EYS: variants seen among roughly 807,000 people sequenced by gnomAD.
EYS encodes EGF-like photoreceptor maintenance factor.
In EYS, 250 loss-of-function variants were observed where a neutral mutation model predicts 282.1. The ratio of observed to expected loss-of-function variants is 0.89; its 90% CI spans 0.80 to 0.98. EYS has a LOEUF of 0.98. EYS is among the 50% of genes least tolerant of loss of function. The pLI, the probability that EYS is intolerant of heterozygous loss-of-function variation, is 0.00. For missense variants in EYS, 4,016 were observed against 3,709.0 expected (o/e 1.08, Z -2.15); for synonymous variants, 1,355 against 1,282.9 (o/e 1.06, Z -1.20).
At chr6:64,040,860 A>G (rs531414968) in intron 33 of EYS, among the ~76,000 whole-genome samples, 2 of 152,304 alleles carry the variant, frequency 1.3e-5, no homozygotes, top group South Asian at 4.1e-4. Context: ...TGAGCTTTAC[A>G]ATTGCCTATG....
chr6:65,173,643 C>A (rs538127665), intron 12 of EYS, among the ~76,000 whole-genome samples: 39 of 150,822 alleles, frequency 2.6e-4, no homozygotes, highest in African/African-American at 9.0e-4. Flanking sequence ...TATCATTTTT[C>A]TTTTTATTTT....
At chr6:65,557,140 C>T (rs1246083382) in intron 2 of EYS, among the ~76,000 whole-genome samples, 1 of 152,144 alleles carries the variant, frequency 6.6e-6, no homozygotes, top group African/African-American at 2.4e-5. Context: ...TCGGGTGTCA[C>T]TTCACCAGCC....
At chr6:64,756,377 G>A (rs1261417825) in intron 22 of EYS, among the ~76,000 whole-genome samples, 1 of 152,104 alleles carries the variant, frequency 6.6e-6, no homozygotes, top group African/African-American at 2.4e-5. Context: ...TTTGAATAAG[G>A]ATCTTGCTTT....
chr6:64,783,892 T>C (rs948076951), intron 22 of EYS, among the ~76,000 whole-genome samples: 5 of 152,156 alleles, frequency 3.3e-5, no homozygotes, highest in Admixed American at 1.3e-4. Context: ...TCAATGATTC[T>C]CAAAACTGAA....
At chr6:64,359,130 T>A (rs1331159792) in intron 29 of EYS, among the ~76,000 whole-genome samples, 2 of 151,690 alleles carry the variant, frequency 1.3e-5, no homozygotes, top group Admixed American at 1.3e-4. Context: ...ACTTATTATT[T>A]TTCTCAACAA....
chr6:64,097,974 G>A (rs1314451181), intron 31 of EYS, among the ~76,000 whole-genome samples: 1 of 152,126 alleles, frequency 6.6e-6, no homozygotes, highest in African/African-American at 2.4e-5. Context: ...TCACTATTAG[G>A]TATCATAATT....
At chr6:63,724,758 G>C (rs1768547760) in intron 42 of EYS, among the ~76,000 whole-genome samples, 1 of 152,082 alleles carries the variant, frequency 6.6e-6, no homozygotes. Flanking sequence ...CCTCTAAAGA[G>C]ATACAGAAAC....
chr6:65,658,833 C>A (rs1041661128), intron 1 of EYS, among the ~76,000 whole-genome samples: 2 of 151,616 alleles, frequency 1.3e-5, no homozygotes, highest in Non-Finnish European at 3.0e-5. Flanking sequence ...ATTGTGTTTA[C>A]AGATATTGTC....
chr6:63,909,937 G>C (rs1352573010), intron 35 of EYS, among the ~76,000 whole-genome samples: 7 of 152,160 alleles, frequency 4.6e-5, no homozygotes, highest in Non-Finnish European at 1.0e-4. Context: ...TCAAGGTCAT[G>C]AAGTGATATT....
chr6:65,154,344 A>G (rs529569831), intron 12 of EYS, among the ~76,000 whole-genome samples: 2 of 151,786 alleles, frequency 1.3e-5, no homozygotes, highest in South Asian at 4.1e-4. Context: ...GAAGAAAAGA[A>G]AGGAGTGAGA....
chr6:64,166,030 T>C (rs2150303856), intron 31 of EYS, among the ~76,000 whole-genome samples: 1 of 152,142 alleles, frequency 6.6e-6, no homozygotes, highest in Middle Eastern at 3.4e-3. Flanking sequence ...AGTGCATTAT[T>C]TTTGTTATCA....
At chr6:64,378,098 A>G (rs1351464462) in intron 29 of EYS, among the ~76,000 whole-genome samples, 4 of 152,186 alleles carry the variant, frequency 2.6e-5, no homozygotes, top group Non-Finnish European at 5.9e-5. Context: ...AATGTTGTAT[A>G]CATGATGTGT....
intron 2 of EYS, among the ~76,000 whole-genome samples, chr6:65,628,850 C>G (rs534596108): frequency 1.3e-5 from 2 of 152,184 alleles, no homozygotes; most frequent in African/African-American, 4.8e-5. Flanking sequence ...GACCAAGAAC[C>G]CACCAATTCC....
chr6:63,986,315 C>T (rs1767363545), intron 34 of EYS, among the ~76,000 whole-genome samples: 1 of 151,828 alleles, frequency 6.6e-6, no homozygotes, highest in Non-Finnish European at 1.5e-5. Flanking sequence ...CACTTATACA[C>T]TGTTGGTGGG....
At chr6:65,088,712 A>C (rs2150176090) in intron 12 of EYS, among the ~76,000 whole-genome samples, 1 of 152,270 alleles carries the variant, frequency 6.6e-6, no homozygotes, top group Non-Finnish European at 1.5e-5. Context: ...GCCCAATGAT[A>C]ATCACCAAGA....
At chr6:64,415,521 C>T (rs117720772) in intron 28 of EYS, among the ~76,000 whole-genome samples, 2 of 152,314 alleles carry the variant, frequency 1.3e-5, no homozygotes, top group Admixed American at 1.3e-4. Flanking sequence ...GAACATCAAG[C>T]ATGCTCTGCC....
rs1771053361 is a variant in EYS, at chr6:64,058,291, G to A, written c.6725+8047C>T. On this transcript the variant is annotated intron_variant, in intron 33 of 42. Coordinates refer to ENST00000503581, the MANE Select transcript of EYS (RefSeq NM_001142800.2). ...CTCTTAAAAAAAAAAAAATAGAATG[G>A]TCTATATTTTGAGTGAACTCAGTGA... Among the ~76,000 whole-genome samples, 7 of 151,996 alleles carry A rather than the reference G, an allele frequency of 4.6e-5. No homozygotes were observed. In the South Asian group the frequency reaches 1.5e-3, roughly 32 times the overall value.
chr6:63,981,460 T>C (rs538851437), intron 35 of EYS, among the ~76,000 whole-genome samples: 19 of 151,972 alleles, frequency 1.3e-4, no homozygotes, highest in African/African-American at 4.3e-4. Flanking sequence ...ATATAAGTCA[T>C]AGCTGCCATG....
chr6:64,274,223 C>CT (rs1163328185), intron 30 of EYS, among the ~76,000 whole-genome samples: 1 of 152,180 alleles, frequency 6.6e-6, no homozygotes, highest in Non-Finnish European at 1.5e-5. Flanking sequence ...CTTGACCTGC[C>CT]TGAGTGCAGT....
Sources: allele counts gnomAD v4.1 joint callset (sites outside exome capture counted in the v4.1 genomes callset), GRCh38; gene constraint gnomAD v4.1.1; transcripts MANE v1.5; gene names NCBI Gene and HGNC (gene_info 2026-07-23, HGNC 2026-07-21).